RAB11FIP4: variants seen among roughly 807,000 people sequenced by gnomAD.
The protein encoded by RAB11FIP4 is rab11 family-interacting protein 4.
Under a neutral mutation model 74.3 loss-of-function variants are expected in RAB11FIP4, and 23 were observed. That is an observed-to-expected ratio of 0.31 (90% CI 0.22 to 0.44). The LOEUF (loss-of-function observed/expected upper bound fraction) is 0.44. Ranked by LOEUF, RAB11FIP4 falls within the 20% of genes least tolerant of loss-of-function variation. The pLI is 1.00. For missense variants in RAB11FIP4, 630 were observed against 863.9 expected (o/e 0.73, Z 3.39); for synonymous variants, 360 against 359.9 (o/e 1.00, Z 0.00).
intron 3 of RAB11FIP4, 149 bp downstream of exon 3, chr17:31,434,271 C>T (rs1039028856): frequency 1.0e-5 from 7 of 679,852 alleles, no homozygotes; most frequent in Non-Finnish European, 1.8e-5. Context: ...GTTTTTGGAA[C>T]AGGAGCCCTG....
In RAB11FIP4 at chr17:31,525,077, G is replaced by A; in HGVS notation, c.1134-13G>A. 1 of 1,550,180 alleles carries A rather than the reference G, an allele frequency of 6.5e-7. No homozygotes were observed. The highest frequency in any genetic ancestry group is 8.7e-7 in the Non-Finnish European group (1 of 1,147,030). On this transcript the variant is annotated splice_polypyrimidine_tract_variant and intron_variant, in intron 9 of 14. Transcript: ENST00000621161. ...TGCAGGCCCCAAGAGCTTGCCCATTGCGCTGTCCTCAGGGTGCATGAGCTG... is the reference window on the plus strand; with the variant it reads ...TGCAGGCCCCAAGAGCTTGCCCATTACGCTGTCCTCAGGGTGCATGAGCTG...
At chr17:31,432,716 GT>G (rs1367124990) in intron 2 of RAB11FIP4, among the ~76,000 whole-genome samples, 1 of 152,108 alleles carries the variant, frequency 6.6e-6, no homozygotes, top group East Asian at 1.9e-4. Flanking sequence ...CCTGCTTCCA[GT>G]TTTAAGGGGA....
intron 1 of RAB11FIP4, among the ~76,000 whole-genome samples, chr17:31,395,647 G>T (rs1022211144): frequency 4.6e-5 from 7 of 152,124 alleles, no homozygotes; most frequent in Non-Finnish European, 8.8e-5. Flanking sequence ...TCTCAAAATT[G>T]TCAAGGTCAT....
chr17:31,438,957 A>T (rs178852), intron 3 of RAB11FIP4, among the ~76,000 whole-genome samples: 49,871 of 151,354 alleles, frequency 0.33, 8,536 homozygotes, highest in South Asian at 0.42. Flanking sequence ...TAAAAAAAAA[A>T]TTTTTACTTA....
intron 3 of RAB11FIP4, among the ~76,000 whole-genome samples, chr17:31,466,045 G>A (rs1283135413): frequency 1.3e-5 from 2 of 151,636 alleles, no homozygotes; most frequent in Non-Finnish European, 2.9e-5. Flanking sequence ...TCGGGAGGGC[G>A]AGACAGGAGA....
chr17:31,488,947 T>G (rs906382749), intron 3 of RAB11FIP4, among the ~76,000 whole-genome samples: 1 of 152,116 alleles, frequency 6.6e-6, no homozygotes, highest in Non-Finnish European at 1.5e-5. Flanking sequence ...GGGAACTGGG[T>G]TCCGACACAG....
At chr17:31,429,353 C>A (rs2151626827) in intron 1 of RAB11FIP4, among the ~76,000 whole-genome samples, 1 of 152,326 alleles carries the variant, frequency 6.6e-6, no homozygotes, top group Non-Finnish European at 1.5e-5. Flanking sequence ...AAAGTTCAAA[C>A]CACACAATAT....
intron 3 of RAB11FIP4, among the ~76,000 whole-genome samples, chr17:31,472,409 T>A (rs178896): frequency 0.79 from 119,444 of 152,012 alleles, 47,176 homozygotes; most frequent in East Asian, 0.92. Context: ...GAGTCATGGC[T>A]CTCATCATAA....
chr17:31,430,154 T>C (rs1053731547), intron 1 of RAB11FIP4, among the ~76,000 whole-genome samples: 2 of 151,894 alleles, frequency 1.3e-5, no homozygotes, highest in East Asian at 1.9e-4. Flanking sequence ...ACATGGCGAA[T>C]GGGGAGGACA....
Position 31,531,693 on chromosome 17 carries a change from C to T in RAB11FIP4, c.1875C>T (p.Ile625=). The T allele has an allele frequency of 6.2e-7, 1 of 1,614,034 alleles. No individual in the cohort carries two copies. The highest frequency in any genetic ancestry group is 1.3e-5 in the African/African-American group (1 of 75,058). ...RQYMDKIILA[I]LDHNPSILEI... is the part of the protein sequence containing the mutation. ...ACATGGACAAGATTATCCTCGCCAT[C>T]CTGGACCACAATCCCTCCATCCTCG... Residue 625 remains isoleucine (I), a synonymous_variant, in exon 15 of 15, where the codon ATC becomes ATT. Coordinates refer to ENST00000621161, the MANE Select transcript of RAB11FIP4 (RefSeq NM_032932.6).
At chr17:31,484,894 T>C (rs147703994) in intron 3 of RAB11FIP4, among the ~76,000 whole-genome samples, 1 of 152,340 alleles carries the variant, frequency 6.6e-6, no homozygotes, top group African/African-American at 2.4e-5. Flanking sequence ...TTATCTCCAA[T>C]TTAAAGATGA....
intron 3 of RAB11FIP4, among the ~76,000 whole-genome samples, chr17:31,491,998 G>A (rs2072018441): frequency 6.6e-6 from 1 of 152,172 alleles, no homozygotes. Context: ...GCACGCCGGC[G>A]ATGTGCATAC....
intron 7 of RAB11FIP4, 90 bp downstream of exon 7, chr17:31,522,485 G>A (rs2072687463): frequency 7.6e-6 from 10 of 1,312,988 alleles, no homozygotes; most frequent in Non-Finnish European, 9.8e-6. Context: ...GGACTCAGCT[G>A]GTGCCCGCAT....
At chr17:31,403,382 GC>G (rs2071012877) in intron 1 of RAB11FIP4, among the ~76,000 whole-genome samples, 1 of 151,720 alleles carries the variant, frequency 6.6e-6, no homozygotes, top group Admixed American at 6.6e-5. Context: ...GAGTGCAGTG[GC>G]GCAATCTCGG....
chr17:31,464,112 C>G (rs183994118), intron 3 of RAB11FIP4, among the ~76,000 whole-genome samples: 10 of 152,200 alleles, frequency 6.6e-5, no homozygotes, highest in African/African-American at 2.2e-4. Context: ...CCGGGCCCAG[C>G]CTCTTCTCCC....
chr17:31,430,957 G>T (rs1380453042), intron 1 of RAB11FIP4, among the ~76,000 whole-genome samples: 2 of 152,114 alleles, frequency 1.3e-5, no homozygotes, highest in African/African-American at 4.8e-5. Context: ...ATTGGAGGGG[G>T]TGATCACTGG....
At chr17:31,393,573 C>G (rs1242307141) in intron 1 of RAB11FIP4, among the ~76,000 whole-genome samples, 1 of 152,208 alleles carries the variant, frequency 6.6e-6, no homozygotes, top group African/African-American at 2.4e-5. Context: ...GCCATTAGAA[C>G]CTTCTCCCTC....
intron 3 of RAB11FIP4, among the ~76,000 whole-genome samples, chr17:31,496,331 C>G (rs2072115505): frequency 6.6e-6 from 1 of 152,184 alleles, no homozygotes; most frequent in Non-Finnish European, 1.5e-5. Context: ...AATCGTGGCT[C>G]CACAGTTGTC....
chr17:31,434,667 A>G (rs1365319422), intron 3 of RAB11FIP4, among the ~76,000 whole-genome samples: 1 of 151,976 alleles, frequency 6.6e-6, no homozygotes, highest in East Asian at 1.9e-4. Flanking sequence ...TCCCAGGACC[A>G]CCTCCCTCGG....
Sources: gnomAD v4.1 joint callset for allele counts (sites outside exome capture counted in the v4.1 genomes callset) on GRCh38, gnomAD v4.1.1 for gene constraint, MANE v1.5 for transcripts, NCBI Gene and HGNC (gene_info 2026-07-23, HGNC 2026-07-21) for gene names.